The following SMC3 variants were observed in gnomAD, a reference collection of about 807,000 sequenced individuals.
SMC3 encodes structural maintenance of chromosomes protein 3.
In SMC3, 20 loss-of-function variants were observed where a neutral mutation model predicts 171.8. That is an observed-to-expected ratio of 0.12 (90% CI 0.08 to 0.17). The LOEUF (loss-of-function observed/expected upper bound fraction) is 0.17. SMC3 is among the 10% of genes least tolerant of loss of function. The pLI is 1.00. For synonymous variants in SMC3, 464 were observed against 451.1 expected (o/e 1.03, Z -0.36); for missense variants, 543 against 1,420.4 (o/e 0.38, Z 9.93).
At position 110,591,122 on chromosome 10, in the gene SMC3, C is replaced by T. The variant is rs750243581; in HGVS notation, c.1802C>T (p.Pro601Leu). The T allele has an allele frequency of 1.9e-6, 3 of 1,613,672 alleles. No homozygotes were observed. The highest frequency in any genetic ancestry group is 2.5e-6 in the Non-Finnish European group (3 of 1,179,786). ...NKLDVRDTAY[P>L]ETNDAIPMIS... ...TTAGATGTCAGGGATACAGCCTATC[C>T]TGAAACCAATGTGAGTCATTGTGTG... Residue 601 changes from proline (P) to leucine (L), a missense_variant, in exon 17 of 29, where the codon CCT becomes CTT. Physicochemically the swap from Pro to Leu is moderately conservative, Grantham distance 98. Coordinates refer to ENST00000361804, the MANE Select transcript of SMC3 (RefSeq NM_005445.4).
At chr10:110,590,924 T>TA in intron 16 of SMC3, 67 bp from the exon 17 acceptor site, 1 of 1,453,902 alleles carries the variant, frequency 6.9e-7, no homozygotes, top group Non-Finnish European at 9.7e-7. Context: ...GGAGGATTGA[T>TA]AAGTTTGGGC....
At chr10:110,574,578 G>A (rs1860919379) in intron 3 of SMC3, among the ~76,000 whole-genome samples, 1 of 152,180 alleles carries the variant, frequency 6.6e-6, no homozygotes, top group Admixed American at 6.5e-5. Context: ...GACTGAAGTG[G>A]AAGTATTTCA....
At position 110,596,554 on chromosome 10, in the gene SMC3, T is replaced by C. The variant is rs752667560; in HGVS notation, c.2116+4T>C. 1.9e-6 allele frequency: 3 copies of C among 1,613,632 alleles called. No homozygotes were observed. Among genetic ancestry groups the C allele is most frequent in the Non-Finnish European group, 1.7e-6 (2 of 1,179,768 alleles). On this transcript the variant is annotated splice_donor_region_variant and intron_variant, in intron 19 of 28. Transcript: ENST00000361804. ...AACCTGCGCAGAAATATTGAAAATA[T>C]CTTTTTGTTTTGTGCATAGTGATAG...
rs1024808535 is a variant in SMC3 at position 110,599,001 on chromosome 10, C to G, written c.2269-653C>G. Among the ~76,000 whole-genome samples, 16 of 145,134 alleles carry G rather than the reference C, an allele frequency of 1.1e-4. No individual in the cohort carries two copies. In the East Asian group the frequency reaches 2.4e-3, roughly 22 times the overall value. On this transcript the variant is annotated intron_variant, in intron 20 of 28. Coordinates refer to ENST00000361804, the MANE Select transcript of SMC3 (RefSeq NM_005445.4). The stretch of plus-strand genomic sequence containing the variant: ...GGTCTCATAAACTTGACAGTTTTGA[C>G]AAATCTTTTACTTAGTATAATACTA...
In SMC3 at chr10:110,600,435, C is replaced by T; in HGVS notation, c.2428-4C>T. ...TTATATAGACAACTTTTTCTTAATT[C>T]TAGGAAAACAGACAGTTGCTAAATG... On this transcript the variant is annotated splice_region_variant and splice_polypyrimidine_tract_variant and intron_variant, in intron 21 of 28. Coordinates refer to ENST00000361804, the MANE Select transcript of SMC3 (RefSeq NM_005445.4). The T allele has an allele frequency of 6.9e-7, 1 of 1,458,176 alleles. No homozygotes were observed. Among genetic ancestry groups the T allele is most frequent in the Non-Finnish European group, 9.6e-7 (1 of 1,038,172 alleles). The allele number at this position is 1,458,176 out of a possible 1,614,324, so 90.3% of individuals were successfully genotyped here. A position where few individuals can be genotyped will look rare whatever the true frequency, so the allele number is the denominator to read the frequency against.
chr10:110,602,770 A>G, intron 26 of SMC3, 55 bp from the exon 27 acceptor site: 2 of 1,583,770 alleles, frequency 1.3e-6, no homozygotes, highest in Non-Finnish European at 1.7e-6. Context: ...TACTTTTGAA[A>G]GATGGTGGTG....
intron 8 of SMC3, 25 bp downstream of exon 8, chr10:110,581,046 A>AT (rs916774018): frequency 4.6e-6 from 6 of 1,312,632 alleles, no homozygotes; most frequent in South Asian, 1.2e-5. Context: ...ATTCTGCCTT[A>AT]TTTTTTTGTT....
At chr10:110,601,535 C>A in intron 23 of SMC3, 102 bp from the exon 24 acceptor site, 2 of 1,291,924 alleles carry the variant, frequency 1.5e-6, no homozygotes, top group East Asian at 2.3e-5. Context: ...AAACACAAAA[C>A]CTAAAACCTA....
chr10:110,568,660 C>T (rs1333105512), intron 1 of SMC3, among the ~76,000 whole-genome samples: 1 of 152,028 alleles, frequency 6.6e-6, no homozygotes, highest in African/African-American at 2.4e-5. Context: ...GTTAAGCTCA[C>T]ACAGTGTTTT....
At chr10:110,598,040 G>A in intron 19 of SMC3, 99 bp from the exon 20 acceptor site, 1 of 1,093,176 alleles carries the variant, frequency 9.1e-7, no homozygotes, top group Non-Finnish European at 1.4e-6. Context: ...TTATTTGGGG[G>A]TAAAGAAAAG....
At chr10:110,593,730 A>C (rs1861247400) in intron 18 of SMC3, among the ~76,000 whole-genome samples, 2 of 148,900 alleles carry the variant, frequency 1.3e-5, no homozygotes, top group Admixed American at 1.3e-4. Context: ...ACATCTATAT[A>C]TAACCCCAGC....
chr10:110,602,627 G>A lies in SMC3; in HGVS notation c.3259G>A (p.Val1087Ile), dbSNP rs147743879. 7.5e-4 allele frequency: 1,211 copies of A among 1,613,900 alleles called. 1 individual carries two copies. Among genetic ancestry groups the A allele is most frequent in the Non-Finnish European group, 1.0e-3 (1,179 of 1,179,950 alleles). ...GAGGGGTTCTGGCTCACAAAGCAGT[G>A]TCCCATCAGTTGACCAGTTTACTGG... is the stretch of plus-strand genomic sequence containing the variant. ...SERGSGSQSSVPSVDQFTGVG... is the reference protein window; with the variant it reads ...SERGSGSQSSIPSVDQFTGVG... Residue 1087 changes from valine (V) to isoleucine (I), a missense_variant, in exon 26 of 29, where the codon GTC becomes ATC. Val to Ile is a conservative substitution (Grantham distance 29, BLOSUM62 3). Around this residue, in one of 8 missense-constraint regions of SMC3, gnomAD observed 34 missense variants for 59.1 expected, o/e 0.58. Coordinates refer to ENST00000361804, the MANE Select transcript of SMC3 (RefSeq NM_005445.4).
At position 110,602,121 on chromosome 10, in the gene SMC3, A is replaced by G. The variant is rs1278732750; in HGVS notation, c.3048A>G (p.Glu1016=). The part of the protein sequence containing the change: ...ELDRGYKSIM[E]LMNVLELRKY... Reference sequence around the variant, plus strand: ...ATAGGGGTTACAAATCAATCATGGAACTGATGAATGTACTTGAACTTCGGA... The same window carrying G: ...ATAGGGGTTACAAATCAATCATGGAGCTGATGAATGTACTTGAACTTCGGA... Residue 1016 remains glutamate, a synonymous_variant, in exon 25 of 29, where the codon GAA becomes GAG. Transcript: ENST00000361804. 1.2e-6 allele frequency: 2 copies of G among 1,613,700 alleles called. No individual in the cohort carries two copies. The highest frequency in any genetic ancestry group is 1.7e-6 in the Non-Finnish European group (2 of 1,179,788).
At chr10:110,575,530 A>G (rs1860933990) in intron 4 of SMC3, 127 bp downstream of exon 4, 1 of 767,780 alleles carries the variant, frequency 1.3e-6, no homozygotes. Context: ...TCTTTCTCAT[A>G]AGTGTGTTAC....
At chr10:110,594,036 G>T (rs1861253508) in intron 18 of SMC3, among the ~76,000 whole-genome samples, 1 of 152,050 alleles carries the variant, frequency 6.6e-6, no homozygotes, top group Non-Finnish European at 1.5e-5. Flanking sequence ...TTTTTAAATA[G>T]TTGGTTTGTT....
Position 110,604,508 on chromosome 10 carries a change from A to G in SMC3, c.*206A>G, listed in dbSNP as rs942328376. The G allele has an allele frequency of 1.2e-5, 6 of 507,480 alleles. No individual in the cohort carries two copies. Among genetic ancestry groups the G allele is most frequent in the African/African-American group, 1.2e-4 (6 of 51,536 alleles). 31.4% of individuals were successfully genotyped at this position (507,480 alleles called of 1,614,324 possible). On this transcript the variant is annotated 3_prime_UTR_variant, in exon 29 of 29. Coordinates refer to ENST00000361804, the MANE Select transcript of SMC3 (RefSeq NM_005445.4). Reference sequence around the variant, plus strand: ...GTTTAAGAATTTAATTTCCTGTACAACTTTTTGTAAAATGTTCTGCTCCTA... The same window carrying G: ...GTTTAAGAATTTAATTTCCTGTACAGCTTTTTGTAAAATGTTCTGCTCCTA...
At chr10:110,585,837 G>T (rs1411543304) in intron 13 of SMC3, among the ~76,000 whole-genome samples, 3 of 150,894 alleles carry the variant, frequency 2.0e-5, no homozygotes, top group Non-Finnish European at 3.0e-5. Context: ...TTGCTCTGTC[G>T]CCCAGGCTGG....
intron 19 of SMC3, 116 bp from the exon 20 acceptor site, chr10:110,598,023 A>G (rs912235338): frequency 2.6e-5 from 24 of 925,132 alleles, no homozygotes; most frequent in Non-Finnish European, 3.7e-5. Flanking sequence ...ATTTGAGGAC[A>G]TAAATGTTAT....
At chr10:110,604,113 A>C (rs983712229) in intron 28 of SMC3, 118 bp from the exon 29 acceptor site, 16 of 552,234 alleles carry the variant, frequency 2.9e-5, no homozygotes, top group Admixed American at 9.2e-5. Flanking sequence ...AAAAAAAAAA[A>C]AAAACTAAAA....
Sources: allele counts gnomAD v4.1 joint callset (sites outside exome capture counted in the v4.1 genomes callset), GRCh38; gene constraint gnomAD v4.1.1; regional missense constraint gnomAD v4.1.1; transcripts MANE v1.5; gene names NCBI Gene and HGNC (gene_info 2026-07-23, HGNC 2026-07-21).